Variants in PINK1 observed in about 807,000 individuals in gnomAD.
PINK1 encodes PTEN induced kinase 1.
PINK1 carries 58 observed loss-of-function variants against 56.0 expected under a neutral mutation model. The observed-to-expected ratio is 1.04, with a 90% CI of 0.84 to 1.29. The LOEUF (loss-of-function observed/expected upper bound fraction) is 1.29, where lower values mean the gene tolerates loss of function less well. Ranked by LOEUF, PINK1 falls within the 50% of genes most tolerant of loss-of-function variation. PINK1 has a pLI of 0.00. For synonymous variants in PINK1, 354 were observed against 339.3 expected, an observed-to-expected ratio of 1.04 and a Z score of -0.48; for missense variants, 745 against 777.9, an observed-to-expected ratio of 0.96 and a Z score of 0.50.
At chr1:20,649,277 C>G in intron 7 of PINK1, 46 bp downstream of exon 7, 1 of 1,592,616 alleles carries the variant, frequency 6.3e-7, no homozygotes, top group Non-Finnish European at 8.6e-7. Flanking sequence ...GTAGAAACCT[C>G]TGTTCTCGTT....
At chr1:20,643,452 C>T (rs2053138715) in intron 3 of PINK1, among the ~76,000 whole-genome samples, 1 of 152,208 alleles carries the variant, frequency 6.6e-6, no homozygotes, top group Admixed American at 6.5e-5. Flanking sequence ...TTTATTACAC[C>T]CATATTCTAT....
chr1:20,633,939 A>T lies in PINK1; in HGVS notation c.387+4A>T. ...CTCGGCCTGTCAGGAGATCCAGGTG[A>T]GCGGGGCCGGGTCCTAAGCCGAGCG... On this transcript the variant is annotated splice_donor_region_variant and intron_variant, in intron 1 of 7. Coordinates refer to ENST00000321556, the MANE Select transcript of PINK1 (RefSeq NM_032409.3). 6.6e-7 allele frequency: 1 copy of T among 1,522,218 alleles called. No homozygotes were observed. Among genetic ancestry groups the T allele is most frequent in the African/African-American group, 1.5e-5 (1 of 66,786 alleles). The allele number at this position is 1,522,218 out of a possible 1,614,324, so 94.3% of individuals were successfully genotyped here.
At chr1:20,650,339 G>T in intron 7 of PINK1, 95 bp from the exon 8 acceptor site, 1 of 1,513,154 alleles carries the variant, frequency 6.6e-7, no homozygotes, top group Non-Finnish European at 9.0e-7. Context: ...AATTGGGTTG[G>T]GACCAGAGAA....
rs374891130 is a variant in PINK1, at chr1:20,637,852, C to T, written c.398C>T (p.Thr133Ile). The change falls in exon 2 of 8, where the codon ACC (threonine) becomes ATC (isoleucine). Residue 133 changes from threonine to isoleucine, a missense_variant. Transcript: ENST00000321556. ...CTTTTCTCATCACAGGCAATTTTTA[C>T]CCAGAAAAGCAAGCCGGGGCCTGAC... ...SACQEIQAIF[T>I]QKSKPGPDPL... The T allele has an allele frequency of 9.3e-6, 15 of 1,613,962 alleles. No individual in the cohort carries two copies. The African/African-American group carries it at 1.9e-4, about 20-fold the overall frequency.
rs45499398 is a variant in PINK1, at chr1:20,648,554, T to C, written c.1173T>C (p.Asp391=). The change falls in exon 6 of 8, where the codon GAT becomes GAC. Residue 391 remains aspartate, a synonymous_variant. Coordinates refer to ENST00000321556, the MANE Select transcript of PINK1 (RefSeq NM_032409.3). ...CAGATTTTGGCTGCTGCCTGGCTGATGAGAGCATCGGCCTGCAGTTGCCCT... is the reference window on the plus strand; with the variant it reads ...CAGATTTTGGCTGCTGCCTGGCTGACGAGAGCATCGGCCTGCAGTTGCCCT... The part of the protein sequence containing the change: ...VIADFGCCLA[D]ESIGLQLPFS... 2.0e-3 allele frequency: 3,201 copies of C among 1,614,130 alleles called. 46 individuals carry two copies. In the African/African-American group the frequency reaches 0.036, roughly 18 times the overall value.
At chr1:20,635,075 G>A (rs904883187) in intron 1 of PINK1, among the ~76,000 whole-genome samples, 1 of 152,166 alleles carries the variant, frequency 6.6e-6, no homozygotes, top group Admixed American at 6.5e-5. Context: ...GACTAATCCT[G>A]CTTAAAACTA....
chr1:20,646,816 TAGA>T (rs2053187658), intron 5 of PINK1, among the ~76,000 whole-genome samples: 1 of 152,042 alleles, frequency 6.6e-6, no homozygotes, highest in East Asian at 1.9e-4. Context: ...ATTTTTGAAC[TAGA>T]AGATTTAAAA....
chr1:20,648,565 G>C lies in PINK1; in HGVS notation c.1184G>C (p.Gly395Ala). Residue 395 changes from glycine (G) to alanine (A), a missense_variant, in exon 6 of 8, where the codon GGC (glycine) becomes GCC (alanine). Gly to Ala is a moderately conservative substitution (Grantham distance 60). Transcript: ENST00000321556. ...FGCCLADESI[G>A]LQLPFSSWYV... ...TGCTGCCTGGCTGATGAGAGCATCG[G>C]CCTGCAGTTGCCCTTCAGCAGCTGG... The C allele has an allele frequency of 6.2e-7, 1 of 1,614,156 alleles. No homozygotes were observed. The highest frequency in any genetic ancestry group is 8.5e-7 in the Non-Finnish European group (1 of 1,180,032).
chr1:20,633,587 G>T lies in PINK1; in HGVS notation c.39G>T (p.Leu13=). 1.6e-6 allele frequency: 2 copies of T among 1,231,140 alleles called. No individual in the cohort carries two copies. The highest frequency in any genetic ancestry group is 1.0e-6 in the Non-Finnish European group (1 of 988,838). 76.3% of individuals were successfully genotyped at this position (1,231,140 alleles called of 1,614,324 possible). A position where few individuals can be genotyped will look rare whatever the true frequency, so the allele number is the denominator to read the frequency against. The change falls in exon 1 of 8, where the codon CTG becomes CTT. Residue 13 remains leucine (L), a synonymous_variant. Coordinates refer to ENST00000321556, the MANE Select transcript of PINK1 (RefSeq NM_032409.3). The part of the protein sequence containing the change: ...VRQALGRGLQ[L]GRALLLRFTG... ...AGGCGCTGGGCCGCGGCCTGCAGCT[G>T]GGTCGAGCGCTGCTGCTGCGCTTCA...
At chr1:20,638,712 G>A (rs2053082757) in intron 2 of PINK1, 1 of 171,330 alleles carries the variant, frequency 5.8e-6, no homozygotes, top group Non-Finnish European at 1.3e-5. Flanking sequence ...TGGGGCCTAA[G>A]ATTGTGCCTT....
chr1:20,640,069 C>A, intron 3 of PINK1, 77 bp downstream of exon 3: 1 of 1,180,154 alleles, frequency 8.5e-7, no homozygotes, highest in Non-Finnish European at 1.2e-6. Context: ...TCCTCAGCAC[C>A]TGGTACAGTG....
chr1:20,644,583 G>A lies in PINK1; in HGVS notation c.870G>A (p.Gly290=). 1 of 1,614,200 alleles carries A rather than the reference G, an allele frequency of 6.2e-7. No homozygotes were observed. Among genetic ancestry groups the A allele is most frequent in the South Asian group, 1.1e-5 (1 of 91,086 alleles). ...CCTCTTCCGTGCCGCTGCTGCCAGGGGCCCTGGTCGACTACCCTGATGTGC... is the reference window on the plus strand; with the variant it reads ...CCTCTTCCGTGCCGCTGCTGCCAGGAGCCCTGGTCGACTACCCTGATGTGC... The part of the protein sequence containing the change: ...AFTSSVPLLP[G]ALVDYPDVLP... Residue 290 remains glycine (G), a synonymous_variant, in exon 4 of 8, where the codon GGG becomes GGA. Coordinates refer to ENST00000321556, the MANE Select transcript of PINK1 (RefSeq NM_032409.3).
At chr1:20,635,384 C>T (rs2053046724) in intron 1 of PINK1, among the ~76,000 whole-genome samples, 1 of 151,794 alleles carries the variant, frequency 6.6e-6, no homozygotes, top group Admixed American at 6.6e-5. Flanking sequence ...GCCTGTAATC[C>T]CAGCTACTTG....
At chr1:20,650,308 T>G in intron 7 of PINK1, 126 bp from the exon 8 acceptor site, 2 of 1,274,450 alleles carry the variant, frequency 1.6e-6, no homozygotes, top group Non-Finnish European at 2.2e-6. Context: ...AGGGCATCAG[T>G]AGGAGATAGG....
intron 1 of PINK1, among the ~76,000 whole-genome samples, chr1:20,636,107 C>T (rs2053053720): frequency 6.6e-6 from 1 of 151,930 alleles, no homozygotes. Context: ...TTTGAGGCTG[C>T]AGTGAGCTGT....
rs368019255 is a variant in PINK1 at position 20,644,717 on chromosome 1, C to T, written c.959+45C>T. The stretch of plus-strand genomic sequence containing the variant: ...CAGGGCCTGGAGCTGATACATCTCC[C>T]AAGGGGAGCTGGTTCCTGCCCTCCA... On this transcript the variant is annotated intron_variant, in intron 4 of 7. Transcript: ENST00000321556. 37 of 1,605,600 alleles carry T rather than the reference C, an allele frequency of 2.3e-5. No individual in the cohort carries two copies. The African/African-American group carries it at 2.7e-4, about 12-fold the overall frequency.
At position 20,650,822 on chromosome 1, in the gene PINK1, T is replaced by C. The variant is rs1243998775; in HGVS notation, c.*131T>C. The C allele has an allele frequency of 6.4e-6, 8 of 1,255,362 alleles. No individual in the cohort carries two copies. Among genetic ancestry groups the C allele is most frequent in the African/African-American group, 1.5e-5 (1 of 67,370 alleles). 77.8% of individuals were successfully genotyped at this position (1,255,362 alleles called of 1,614,324 possible). Reference sequence around the variant, plus strand: ...GAGGGCTGGTTAGCCGGAAAAGGCCTCGGGCTTGGCAAATGGAAGAACTTG... The same window carrying C: ...GAGGGCTGGTTAGCCGGAAAAGGCCCCGGGCTTGGCAAATGGAAGAACTTG... On this transcript the variant is annotated 3_prime_UTR_variant, in exon 8 of 8. Transcript: ENST00000321556.
rs776359607 is a variant in PINK1, at chr1:20,649,006, C to T, written c.1263C>T (p.Ala421=). ...GCLMAPEVST[A]RPGPRAVIDY... is the part of the protein sequence containing the mutation. ...CTGCTTCTGAGCAGGTGTCCACGGCCCGTCCTGGCCCCAGGGCAGTGATTG... is the reference window on the plus strand; with the variant it reads ...CTGCTTCTGAGCAGGTGTCCACGGCTCGTCCTGGCCCCAGGGCAGTGATTG... The change falls in exon 7 of 8, where the codon GCC becomes GCT. Residue 421 remains alanine (A), a synonymous_variant. Coordinates refer to ENST00000321556, the MANE Select transcript of PINK1 (RefSeq NM_032409.3). 6.2e-7 allele frequency: 1 copy of T among 1,613,268 alleles called. No homozygotes were observed. The highest frequency in any genetic ancestry group is 1.7e-5 in the Admixed American group (1 of 60,030).
chr1:20,644,847 G>A (rs2154533843), intron 4 of PINK1, among the ~76,000 whole-genome samples, 175 bp downstream of exon 4: 1 of 152,300 alleles, frequency 6.6e-6, no homozygotes, highest in South Asian at 2.1e-4. Context: ...TTTCCCTGTA[G>A]GACGATTTTT....
Sources: gnomAD v4.1 joint callset for allele counts (sites outside exome capture counted in the v4.1 genomes callset) on GRCh38, gnomAD v4.1.1 for gene constraint, MANE v1.5 for transcripts, NCBI Gene and HGNC (gene_info 2026-07-23, HGNC 2026-07-21) for gene names.